TMEM131: variants seen among roughly 807,000 people sequenced by gnomAD.
The protein encoded by TMEM131 is transmembrane protein 131.
A neutral mutation model predicts 211.6 loss-of-function variants in TMEM131; 66 were observed. That is an observed-to-expected ratio of 0.31 (90% confidence interval 0.26 to 0.38). The LOEUF (loss-of-function observed/expected upper bound fraction) is 0.38. Ranked by LOEUF, TMEM131 falls within the 10% of genes least tolerant of loss-of-function variation. The pLI, the probability that TMEM131 is intolerant of heterozygous loss-of-function variation, is 1.00. For synonymous variants in TMEM131, 844 were observed against 841.3 expected, an observed-to-expected ratio of 1.00 and a Z score of -0.06; for missense variants, 2,036 against 2,299.3, an observed-to-expected ratio of 0.89 and a Z score of 2.34.
At chr2:97,874,410 GAC>G (rs1438698545) in intron 4 of TMEM131, among the ~76,000 whole-genome samples, 1 of 152,168 alleles carries the variant, frequency 6.6e-6, no homozygotes, top group Non-Finnish European at 1.5e-5. Context: ...GCAACCCTAA[GAC>G]ACATAATCGT....
chr2:97,886,899 C>A (rs1158084840), intron 4 of TMEM131, among the ~76,000 whole-genome samples: 1 of 152,194 alleles, frequency 6.6e-6, no homozygotes, highest in African/African-American at 2.4e-5. Context: ...GATGAAAAAA[C>A]TCTTTTTGGA....
rs1362638579 is a variant in TMEM131 at position 97,812,658 on chromosome 2, A to G, written c.1709T>C (p.Ile570Thr). 2 of 1,593,416 alleles carry G rather than the reference A, an allele frequency of 1.3e-6. No homozygotes were observed. Among genetic ancestry groups the G allele is most frequent in the South Asian group, 1.2e-5 (1 of 86,436 alleles). Residue 570 changes from isoleucine (I) to threonine (T), a missense_variant, in exon 16 of 41, where the codon ATA becomes ACA. By Grantham distance (89) the Ile-to-Thr change is moderately conservative. This residue lies in a region of TMEM131 where 1,623 missense variants were observed against 1,805.9 expected (regional missense o/e 0.90). Transcript: ENST00000186436. ...TTTTACCTCAATTGGATTGCTGTTT[A>G]TAATTGCAAATAAAATATTACTTGC... ...TEASNILFAI[I>T]NSNPIELAIK...
intron 1 of TMEM131, among the ~76,000 whole-genome samples, chr2:97,940,455 AC>A (rs1677664413): frequency 1.3e-5 from 2 of 152,324 alleles, no homozygotes; most frequent in Non-Finnish European, 2.9e-5. Context: ...AATCCAACTT[AC>A]AAGGGATGTG....
intron 4 of TMEM131, among the ~76,000 whole-genome samples, chr2:97,877,489 T>C (rs1007459998): frequency 2.0e-5 from 3 of 152,164 alleles, no homozygotes; most frequent in African/African-American, 7.2e-5. Flanking sequence ...AACAGTATGG[T>C]ACTGGTACCA....
intron 5 of TMEM131, among the ~76,000 whole-genome samples, chr2:97,857,095 A>T (rs147032218): frequency 6.6e-6 from 1 of 152,362 alleles, no homozygotes; most frequent in Non-Finnish European, 1.5e-5. Flanking sequence ...TCTAGTTCAG[A>T]AACGTCAAGT....
intron 3 of TMEM131, among the ~76,000 whole-genome samples, chr2:97,895,130 A>G (rs1675550916): frequency 6.6e-6 from 1 of 152,136 alleles, no homozygotes; most frequent in South Asian, 2.1e-4. Context: ...TGAGATAGTC[A>G]TGTGGTTTTT....
chr2:97,859,485 AGTT>A, intron 4 of TMEM131, 58 bp from the exon 5 acceptor site: 1 of 1,404,286 alleles, frequency 7.1e-7, no homozygotes, highest in Non-Finnish European at 9.4e-7. Flanking sequence ...GATTATTTCT[AGTT>A]GTTAAAAAAT....
rs540050989 is a variant in TMEM131 at position 97,768,453 on chromosome 2, T to C, written c.4449-1851A>G. On this transcript the variant is annotated intron_variant, in intron 33 of 40. Coordinates refer to ENST00000186436, the MANE Select transcript of TMEM131 (RefSeq NM_015348.2). The stretch of plus-strand genomic sequence containing the variant: ...AAATTCTGTGCCACTGTAAAAGTAA[T>C]TGGTTTTTAAGAAGAAAGGTGCCAG... Among the ~76,000 whole-genome samples, 169 of 149,542 alleles carry C rather than the reference T, an allele frequency of 1.1e-3. 1 individual carries two copies. Among genetic ancestry groups the C allele is most frequent in the Non-Finnish European group, 2.1e-3 (137 of 66,292 alleles).
intron 21 of TMEM131, 84 bp from the exon 22 acceptor site, chr2:97,805,289 G>A: frequency 6.4e-7 from 1 of 1,557,532 alleles, no homozygotes; most frequent in South Asian, 1.1e-5. Context: ...ACAAAAGACA[G>A]CAATGTACTT....
chr2:97,974,263 G>A (rs1300043288), intron 1 of TMEM131, among the ~76,000 whole-genome samples: 1 of 152,106 alleles, frequency 6.6e-6, no homozygotes, highest in Non-Finnish European at 1.5e-5. Flanking sequence ...TAGGGAACTT[G>A]AAGGCATAGC....
intron 31 of TMEM131, among the ~76,000 whole-genome samples, chr2:97,786,713 G>C (rs1286992767): frequency 6.6e-6 from 1 of 152,212 alleles, no homozygotes; most frequent in Middle Eastern, 3.2e-3. Flanking sequence ...GGGTGACTGA[G>C]TGTTCATCTG....
chr2:97,955,523 G>T (rs561192984), intron 1 of TMEM131, among the ~76,000 whole-genome samples: 2 of 152,084 alleles, frequency 1.3e-5, no homozygotes, highest in Non-Finnish European at 2.9e-5. Flanking sequence ...CAAATGATAC[G>T]ATCGTTTACA....
chr2:97,977,963 T>C (rs942905571), intron 1 of TMEM131, among the ~76,000 whole-genome samples: 5 of 152,076 alleles, frequency 3.3e-5, no homozygotes, highest in African/African-American at 1.2e-4. Context: ...GGGGGGCGCC[T>C]GCAATCCCAG....
At chr2:97,834,268 T>G (rs750870809) in intron 10 of TMEM131, among the ~76,000 whole-genome samples, 16 of 152,174 alleles carry the variant, frequency 1.1e-4, no homozygotes, top group Non-Finnish European at 1.6e-4. Context: ...ATTTAATAAC[T>G]CATATCTAAA....
At chr2:97,840,434 G>C (rs919102641) in intron 7 of TMEM131, among the ~76,000 whole-genome samples, 1 of 152,164 alleles carries the variant, frequency 6.6e-6, no homozygotes, top group African/African-American at 2.4e-5. Flanking sequence ...CGGGTCTAAC[G>C]GAGTAAGAGG....
At chr2:97,964,881 T>C (rs1678979997) in intron 1 of TMEM131, among the ~76,000 whole-genome samples, 1 of 152,222 alleles carries the variant, frequency 6.6e-6, no homozygotes, top group African/African-American at 2.4e-5. Context: ...CTTTACAACC[T>C]CAGTCTCTTC....
intron 1 of TMEM131, among the ~76,000 whole-genome samples, chr2:97,993,167 A>G (rs1274945800): frequency 6.6e-6 from 1 of 152,236 alleles, no homozygotes; most frequent in Non-Finnish European, 1.5e-5. Flanking sequence ...GAAAAGAAAT[A>G]CAAACATACA....
chr2:97,822,031 C>T (rs1682148004), intron 11 of TMEM131, among the ~76,000 whole-genome samples: 1 of 152,170 alleles, frequency 6.6e-6, no homozygotes, highest in Non-Finnish European at 1.5e-5. Context: ...GCCTATCTAT[C>T]CTATCTATCC....
intron 3 of TMEM131, among the ~76,000 whole-genome samples, chr2:97,894,759 G>T (rs986888009): frequency 4.1e-4 from 62 of 152,146 alleles, no homozygotes; most frequent in African/African-American, 1.4e-3. Flanking sequence ...ATCAGCTTAA[G>T]GATATTTTGA....
Sources: allele counts gnomAD v4.1 joint callset (sites outside exome capture counted in the v4.1 genomes callset), GRCh38; gene constraint gnomAD v4.1.1; regional missense constraint gnomAD v4.1.1; transcripts MANE v1.5; gene names NCBI Gene and HGNC (gene_info 2026-07-23, HGNC 2026-07-21).